DAPK1: variants seen among roughly 807,000 people sequenced by gnomAD.
DAPK1 encodes the protein death-associated protein kinase 1.
A neutral mutation model predicts 144.9 loss-of-function variants in DAPK1; 56 were observed. That is an observed-to-expected ratio of 0.39 (90% CI 0.31 to 0.48). DAPK1 has a LOEUF of 0.48. DAPK1 is among the 20% of genes least tolerant of loss of function. The pLI is 0.95. For missense variants in DAPK1, 1,454 were observed against 1,875.4 expected, an observed-to-expected ratio of 0.78 and a Z score of 4.15; for synonymous variants, 690 against 749.0, an observed-to-expected ratio of 0.92 and a Z score of 1.29.
chr9:87,611,522 A>C (rs1828928225), intron 3 of DAPK1, among the ~76,000 whole-genome samples: 1 of 152,120 alleles, frequency 6.6e-6, no homozygotes. Flanking sequence ...GCAGTGGTGC[A>C]ATCATAGCTC....
chr9:87,617,277 G>T (rs1587773615), intron 3 of DAPK1, among the ~76,000 whole-genome samples: 1 of 152,116 alleles, frequency 6.6e-6, no homozygotes, highest in Admixed American at 6.5e-5. Context: ...TTCCTTATTG[G>T]AATGGGGAGG....
At chr9:87,667,043 G>C (rs1157266994) in intron 18 of DAPK1, among the ~76,000 whole-genome samples, 1 of 152,192 alleles carries the variant, frequency 6.6e-6, no homozygotes, top group Admixed American at 6.5e-5. Flanking sequence ...CAGTGTCTGT[G>C]TGGGAGCTGG....
chr9:87,583,557 C>T (rs1162091566), intron 2 of DAPK1, among the ~76,000 whole-genome samples: 1 of 152,206 alleles, frequency 6.6e-6, no homozygotes, highest in East Asian at 1.9e-4. Context: ...AAATGTCATG[C>T]ATAGAGAAAG....
intron 2 of DAPK1, among the ~76,000 whole-genome samples, chr9:87,571,461 A>C (rs1488899689): frequency 4.7e-5 from 3 of 63,496 alleles, no homozygotes; most frequent in African/African-American, 8.3e-5. Flanking sequence ...ACACACACAC[A>C]CACACACACA....
intron 18 of DAPK1, among the ~76,000 whole-genome samples, chr9:87,666,463 A>ATATGTTTT (rs1280871539): frequency 6.8e-6 from 1 of 147,696 alleles, no homozygotes; most frequent in African/African-American, 2.6e-5. Flanking sequence ...ATATATATAT[A>ATATGTTTT]TGTTTTTGTT....
rs142497423 is a variant in DAPK1 at position 87,703,910 on chromosome 9, C to A, written c.3060+693C>A. Among the ~76,000 whole-genome samples, 310 of 152,244 alleles carry A rather than the reference C, an allele frequency of 2.0e-3. 2 individuals are homozygous for A. Among genetic ancestry groups the A allele is most frequent in the African/African-American group, 6.5e-3 (271 of 41,552 alleles). On this transcript the variant is annotated intron_variant, in intron 25 of 25. Coordinates refer to ENST00000408954, the MANE Select transcript of DAPK1 (RefSeq NM_004938.4). ...TTTCTCCACCATGTGAAATTGGGAG[C>A]CTACATGAACTAGTGTGGGCCAAGA...
rs942748098 is a variant in DAPK1 at position 87,526,941 on chromosome 9, T to G, written c.62+27802T>G. 1.3e-5 allele frequency among the ~76,000 whole-genome samples: 2 copies of G among 152,038 alleles called. 1 individual carries two copies. Among genetic ancestry groups the G allele is most frequent in the South Asian group, 4.1e-4 (2 of 4,830 alleles). ...TATGCTGTTTCTACTTCAAAAACAG[T>G]TGGAGGATTGTAAGACAGAATTTCT... is the stretch of plus-strand genomic sequence containing the variant. On this transcript the variant is annotated intron_variant, in intron 2 of 25. Coordinates refer to ENST00000408954, the MANE Select transcript of DAPK1 (RefSeq NM_004938.4).
chr9:87,610,403 A>G (rs1656609950), intron 3 of DAPK1, among the ~76,000 whole-genome samples: 1 of 152,238 alleles, frequency 6.6e-6, no homozygotes, highest in African/African-American at 2.4e-5. Context: ...TCAGTGCTTG[A>G]ATCGTTTCAT....
chr9:87,635,985 C>G (rs1303473070), intron 3 of DAPK1, among the ~76,000 whole-genome samples: 1 of 152,220 alleles, frequency 6.6e-6, no homozygotes, highest in South Asian at 2.1e-4. Context: ...CCCACTTTTT[C>G]CCCCCTATAG....
chr9:87,511,324 A>G (rs1387423918), intron 2 of DAPK1, among the ~76,000 whole-genome samples: 1 of 152,204 alleles, frequency 6.6e-6, no homozygotes, highest in African/African-American at 2.4e-5. Flanking sequence ...CCTAAGAAAC[A>G]TATTGACTAG....
At chr9:87,573,211 C>G (rs1241326886) in intron 2 of DAPK1, among the ~76,000 whole-genome samples, 5 of 152,208 alleles carry the variant, frequency 3.3e-5, no homozygotes, top group Non-Finnish European at 5.9e-5. Context: ...AAGTTTGTGT[C>G]TTTCCTTCTT....
chr9:87,586,054 G>A (rs1827932727), intron 2 of DAPK1, among the ~76,000 whole-genome samples: 1 of 152,142 alleles, frequency 6.6e-6, no homozygotes, highest in African/African-American at 2.4e-5. Flanking sequence ...TTGGGAGGCC[G>A]AGGCGAGCGG....
chr9:87,594,279 A>G (rs1006501666), intron 2 of DAPK1, among the ~76,000 whole-genome samples: 5 of 152,144 alleles, frequency 3.3e-5, no homozygotes, highest in African/African-American at 1.2e-4. Flanking sequence ...CTTTACAGAC[A>G]CAAACAAACA....
At chr9:87,598,399 T>C (rs1308363038) in intron 2 of DAPK1, among the ~76,000 whole-genome samples, 1 of 152,204 alleles carries the variant, frequency 6.6e-6, no homozygotes, top group Admixed American at 6.5e-5. Flanking sequence ...CTAGTTACCA[T>C]AAATAATTTT....
chr9:87,635,000 T>G (rs1008037167), intron 3 of DAPK1, among the ~76,000 whole-genome samples: 1 of 152,146 alleles, frequency 6.6e-6, no homozygotes, highest in African/African-American at 2.4e-5. Context: ...CTCCGTAAGC[T>G]ATGATGTTAC....
At chr9:87,674,328 G>A (rs1205405949) in intron 19 of DAPK1, among the ~76,000 whole-genome samples, 9 of 151,636 alleles carry the variant, frequency 5.9e-5, no homozygotes, top group East Asian at 1.9e-4. Context: ...GTGAAACCCC[G>A]TCTCTACAAA....
At chr9:87,664,414 G>A (rs1336611115) in intron 18 of DAPK1, among the ~76,000 whole-genome samples, 1 of 152,206 alleles carries the variant, frequency 6.6e-6, no homozygotes, top group African/African-American at 2.4e-5. Context: ...CCTTCAGAGA[G>A]AGACTTGGAA....
chr9:87,557,344 C>T (rs1011505727), intron 2 of DAPK1, among the ~76,000 whole-genome samples: 1 of 152,212 alleles, frequency 6.6e-6, no homozygotes, highest in Non-Finnish European at 1.5e-5. Context: ...ACCTTCCTGT[C>T]GTGTTCTTTC....
At chr9:87,541,140 A>C (rs968355338) in intron 2 of DAPK1, among the ~76,000 whole-genome samples, 1 of 152,246 alleles carries the variant, frequency 6.6e-6, no homozygotes, top group Admixed American at 6.5e-5. Context: ...ACATCTTTTT[A>C]GTAAACATTG....
Sources: gnomAD v4.1 joint callset for allele counts (sites outside exome capture counted in the v4.1 genomes callset) on GRCh38, gnomAD v4.1.1 for gene constraint, MANE v1.5 for transcripts, NCBI Gene and HGNC (gene_info 2026-07-23, HGNC 2026-07-21) for gene names.